GRIP1: variants seen among roughly 807,000 people sequenced by gnomAD.
The protein encoded by GRIP1 is glutamate receptor-interacting protein 1.
A neutral mutation model predicts 129.9 loss-of-function variants in GRIP1; 45 were observed. That is an observed-to-expected ratio of 0.35 (90% CI 0.27 to 0.44). The LOEUF (loss-of-function observed/expected upper bound fraction) is 0.44, where lower values mean the gene tolerates loss of function less well. Among genes scored for constraint, GRIP1 ranks in the 20% least tolerant of loss-of-function variants. GRIP1 has a pLI of 1.00. For synonymous variants in GRIP1, 530 were observed against 520.8 expected (o/e 1.02, Z -0.24); for missense variants, 1,196 against 1,396.8 (o/e 0.86, Z 2.29).
intron 11 of GRIP1, among the ~76,000 whole-genome samples, chr12:66,452,546 G>A (rs1451417535): frequency 1.3e-5 from 2 of 151,992 alleles, no homozygotes; most frequent in Non-Finnish European, 2.9e-5. Flanking sequence ...TCCTTCCTTG[G>A]CATTGGAAAT....
intron 1 of GRIP1, among the ~76,000 whole-genome samples, chr12:66,651,831 A>T (rs2032815834): frequency 6.6e-6 from 1 of 151,424 alleles, no homozygotes; most frequent in Admixed American, 6.6e-5. Flanking sequence ...ACTTCTAAAT[A>T]TTTTTTTTTA....
At chr12:66,620,802 T>C (rs2065238771) in intron 1 of GRIP1, among the ~76,000 whole-genome samples, 1 of 150,172 alleles carries the variant, frequency 6.7e-6, no homozygotes, top group African/African-American at 2.4e-5. Flanking sequence ...AGACTTTTAA[T>C]GGCCAGGGGA....
upstream of GRIP1, among the ~76,000 whole-genome samples, chr12:66,680,809 C>T (rs1311815418): frequency 6.6e-6 from 1 of 152,144 alleles, no homozygotes; most frequent in East Asian, 1.9e-4. Flanking sequence ...AGAATCTTGC[C>T]TGTGGAACAC....
intron 1 of GRIP1, among the ~76,000 whole-genome samples, chr12:66,702,967 C>T (rs979474135): frequency 1.3e-4 from 20 of 152,076 alleles, no homozygotes; most frequent in African/African-American, 4.3e-4. Flanking sequence ...CCATATACAC[C>T]GTACTGATGA....
At chr12:66,389,356 T>C (rs1592747052) in intron 19 of GRIP1, among the ~76,000 whole-genome samples, 1 of 152,194 alleles carries the variant, frequency 6.6e-6, no homozygotes, top group South Asian at 2.1e-4. Context: ...GCCTCCCGAG[T>C]AGCTGGGATT....
chr12:66,847,102 G>A (rs1179676792), intron 1 of GRIP1, among the ~76,000 whole-genome samples: 1 of 152,172 alleles, frequency 6.6e-6, no homozygotes, highest in Non-Finnish European at 1.5e-5. Flanking sequence ...TCTAGCCACT[G>A]CCTCAAAACC....
At chr12:66,608,340 T>C (rs2064632536) in intron 1 of GRIP1, among the ~76,000 whole-genome samples, 1 of 152,108 alleles carries the variant, frequency 6.6e-6, no homozygotes, top group Non-Finnish European at 1.5e-5. Flanking sequence ...GTTTTTTGTT[T>C]GTTTGTTTGT....
intron 13 of GRIP1, among the ~76,000 whole-genome samples, 181 bp downstream of exon 13, chr12:66,444,403 G>A (rs952407237): frequency 4.0e-5 from 6 of 148,972 alleles, no homozygotes; most frequent in South Asian, 4.3e-4. Flanking sequence ...GGAGAATGGC[G>A]TGAACCCGGG....
chr12:66,400,914 C>T (rs2056962854), intron 16 of GRIP1, among the ~76,000 whole-genome samples: 1 of 132,404 alleles, frequency 7.6e-6, no homozygotes, highest in Non-Finnish European at 1.6e-5. Context: ...GACTCAGAAA[C>T]CATCAAGGCA....
intron 1 of GRIP1, among the ~76,000 whole-genome samples, chr12:66,978,715 G>A (rs2042191978): frequency 6.6e-6 from 1 of 152,140 alleles, no homozygotes; most frequent in Non-Finnish European, 1.5e-5. Context: ...AAGACAAAAA[G>A]TAGATAAAAA....
chr12:66,746,283 T>G lies in GRIP1; in HGVS notation c.-420+57770A>C, dbSNP rs1411482844. ...AATGAAAGAACATCCAAAGAGCCAC[T>G]TATTTCCATAACTTATTCATGGATA... On this transcript the variant is annotated intron_variant, in intron 1 of 4. Coordinates refer to the GRIP1 transcript ENST00000538373. 2.0e-5 allele frequency among the ~76,000 whole-genome samples: 3 copies of G among 152,180 alleles called. No individual in the cohort carries two copies. In the East Asian group the frequency reaches 5.8e-4, roughly 29 times the overall value.
intron 1 of GRIP1, among the ~76,000 whole-genome samples, chr12:66,856,770 TG>T (rs2040012744): frequency 6.6e-6 from 1 of 151,860 alleles, no homozygotes; most frequent in African/African-American, 2.4e-5. Flanking sequence ...TTTACACTGT[TG>T]GTGGGACTGT....
chr12:67,061,716 T>C (rs1030095598), intron 1 of GRIP1, among the ~76,000 whole-genome samples: 4 of 152,152 alleles, frequency 2.6e-5, no homozygotes, highest in Non-Finnish European at 5.9e-5. Context: ...ATAGGTAATA[T>C]AAATTGTATA....
intron 1 of GRIP1, among the ~76,000 whole-genome samples, chr12:66,609,227 G>A (rs570665997): frequency 6.6e-6 from 1 of 151,898 alleles, no homozygotes; most frequent in Non-Finnish European, 1.5e-5. Flanking sequence ...TTTTCCCAAT[G>A]TCGCCACACT....
At chr12:66,899,474 C>A (rs369693395) in intron 1 of GRIP1, among the ~76,000 whole-genome samples, 3 of 151,884 alleles carry the variant, frequency 2.0e-5, no homozygotes, top group Non-Finnish European at 2.9e-5. Flanking sequence ...AGTGATCCCC[C>A]ACCTCAGCCT....
At chr12:66,834,228 T>C (rs2039569990) in intron 1 of GRIP1, among the ~76,000 whole-genome samples, 1 of 146,146 alleles carries the variant, frequency 6.8e-6, no homozygotes, top group Non-Finnish European at 1.5e-5. Flanking sequence ...TTGATCCTCA[T>C]ACAGACTAAT....
intron 1 of GRIP1, among the ~76,000 whole-genome samples, chr12:66,776,191 C>G (rs2037974518): frequency 6.6e-6 from 1 of 152,196 alleles, no homozygotes; most frequent in South Asian, 2.1e-4. Context: ...GATGACAAAA[C>G]AGATAGAAGC....
At chr12:66,649,155 A>C (rs1437373462) in intron 1 of GRIP1, among the ~76,000 whole-genome samples, 1 of 152,208 alleles carries the variant, frequency 6.6e-6, no homozygotes, top group Non-Finnish European at 1.5e-5. Context: ...CAGATTGTTC[A>C]GATATTTTCC....
In GRIP1 at chr12:66,349,233, C is replaced by T. The variant is rs774681973; in HGVS notation, c.3173G>A (p.Arg1058Gln). ...YDRLLQVNHV[R>Q]TRDFDCCLVV... ...AAGGCAGCAGTCAAAGTCTCTGGTT[C>T]GGACATGATTCACCTGAAAGGTCAA... The change falls in exon 25 of 25, where the codon CGA becomes CAA. Residue 1058 changes from arginine (R) to glutamine (Q), a missense_variant. Arg to Gln is a conservative substitution (Grantham distance 43). Around this residue, in one of 5 missense-constraint regions of GRIP1, gnomAD observed 427 missense variants for 463.3 expected, o/e 0.92. Coordinates refer to ENST00000359742, the MANE Select transcript of GRIP1 (RefSeq NM_001366722.1). 6.2e-6 allele frequency: 10 copies of T among 1,613,330 alleles called. No homozygotes were observed. The highest frequency in any genetic ancestry group is 6.8e-6 in the Non-Finnish European group (8 of 1,179,400).
Sources: gnomAD v4.1 joint callset for allele counts (sites outside exome capture counted in the v4.1 genomes callset) on GRCh38, gnomAD v4.1.1 for gene constraint, gnomAD v4.1.1 regional missense constraint, MANE v1.5 for transcripts, NCBI Gene and HGNC (gene_info 2026-07-23, HGNC 2026-07-21) for gene names.